Variants in ZNF468 observed in about 807,000 individuals in gnomAD.
ZNF468 encodes the protein zinc finger protein 468, also known as zinc finger protein ZNF468.
ZNF468 carries 8 observed loss-of-function variants against 7.2 expected under a neutral mutation model. That is an observed-to-expected ratio of 1.11 (90% CI 0.65 to 2.01). ZNF468 has a LOEUF of 2.01. Ranked by LOEUF, ZNF468 falls within the 30% of genes most tolerant of loss-of-function variation. The pLI, the probability that ZNF468 is intolerant of heterozygous loss-of-function variation, is 0.00. For missense variants in ZNF468, 608 were observed against 626.5 expected (o/e 0.97, Z 0.31); for synonymous variants, 218 against 214.4 (o/e 1.02, Z -0.15).
chr19:52,849,313 A>C (rs2063365604), intron 2 of ZNF468, 100 bp from the exon 3 acceptor site: 4 of 1,589,980 alleles, frequency 2.5e-6, no homozygotes, highest in Non-Finnish European at 3.4e-6. Context: ...ATTTAACTGT[A>C]GAGAATGTTC....
In ZNF468 at chr19:52,840,016, T is replaced by C; in HGVS notation, c.*709A>G. 7.6e-7 allele frequency: 1 copy of C among 1,316,214 alleles called. No individual in the cohort carries two copies. The highest frequency in any genetic ancestry group is 3.4e-5 in the East Asian group (1 of 29,424). The allele number at this position is 1,316,214 out of a possible 1,614,324, so 81.5% of individuals were successfully genotyped here. A position where few individuals can be genotyped will look rare whatever the true frequency, so the allele number is the denominator to read the frequency against. The stretch of plus-strand genomic sequence containing the variant: ...AAGTGGTGACTGCCCACTAAAGGGT[T>C]TGCCACACTCATTGCACTTGTAAGG... On this transcript the variant is annotated 3_prime_UTR_variant, in exon 4 of 4. Transcript: ENST00000595646.
chr19:52,853,952 C>T (rs1337924731), intron 2 of ZNF468: 6 of 1,416,424 alleles, frequency 4.2e-6, no homozygotes, highest in East Asian at 2.5e-5. Context: ...ACAGTGCATC[C>T]AGATGTGGCC....
rs2063298588 is a variant in ZNF468, at chr19:52,841,420, G to A, written c.874C>T (p.Leu292Phe). ...HNSSLFIHKA[L>F]HTGEKPYECE... ...TCATAAGGTTTCTCTCCAGTATGAAGCGCTTTGTGAATGAAGAGGGATGAA... is the reference window on the plus strand; with the variant it reads ...TCATAAGGTTTCTCTCCAGTATGAAACGCTTTGTGAATGAAGAGGGATGAA... Residue 292 changes from leucine (L) to phenylalanine (F), a missense_variant, in exon 4 of 4, where the codon CTT becomes TTT. Coordinates refer to ENST00000595646, the MANE Select transcript of ZNF468 (RefSeq NM_001008801.2). 3 of 1,613,962 alleles carry A rather than the reference G, an allele frequency of 1.9e-6. No individual in the cohort carries two copies. The highest frequency in any genetic ancestry group is 1.6e-4 in the Middle Eastern group (1 of 6,062).
In ZNF468 at chr19:52,854,303, C is replaced by G; in HGVS notation, c.-31G>C. The G allele has an allele frequency of 6.2e-7, 1 of 1,613,608 alleles. No homozygotes were observed. The highest frequency in any genetic ancestry group is 8.5e-7 in the Non-Finnish European group (1 of 1,179,718). ...ACTCCTTTGCTTTCCTCTTCCTCTT[C>G]TGGGTTTCTTTCTCACGTACCAACA... On this transcript the variant is annotated 5_prime_UTR_variant, in exon 2 of 4. Coordinates refer to ENST00000595646, the MANE Select transcript of ZNF468 (RefSeq NM_001008801.2).
chr19:52,841,186 G>A lies in ZNF468; in HGVS notation c.1108C>T (p.Leu370Phe). ...GTATGAAGTCTATGATGGCGTGCAA[G>A]GGTTGATAGTCGATTAAAAACTTTG... ...CGKVFNRLST[L>F]ARHHRLHTGE... The change falls in exon 4 of 4, where the codon CTT becomes TTT. Residue 370 changes from leucine to phenylalanine, a missense_variant. Coordinates refer to ENST00000595646, the MANE Select transcript of ZNF468 (RefSeq NM_001008801.2). 2 of 1,613,314 alleles carry A rather than the reference G, an allele frequency of 1.2e-6. No homozygotes were observed. Among genetic ancestry groups the A allele is most frequent in the Non-Finnish European group, 1.7e-6 (2 of 1,179,502 alleles).
In ZNF468 at chr19:52,840,138, G is replaced by T; in HGVS notation, c.*587C>A. On this transcript the variant is annotated 3_prime_UTR_variant, in exon 4 of 4. Coordinates refer to ENST00000595646, the MANE Select transcript of ZNF468 (RefSeq NM_001008801.2). ...TACATTTCTATGGCTTTTCTCCAGT[G>T]TGAATTCTCCTATGTATTTGAAGCT... The T allele has an allele frequency of 2.2e-6, 1 of 464,032 alleles. No homozygotes were observed. Among genetic ancestry groups the T allele is most frequent in the Non-Finnish European group, 3.8e-6 (1 of 260,002 alleles). 28.7% of individuals were successfully genotyped at this position (464,032 alleles called of 1,614,324 possible). A position where few individuals can be genotyped will look rare whatever the true frequency, so the allele number is the denominator to read the frequency against.
intron 2 of ZNF468, among the ~76,000 whole-genome samples, chr19:52,850,769 G>C (rs981851710): frequency 2.6e-5 from 4 of 151,758 alleles, no homozygotes; most frequent in Non-Finnish European, 5.9e-5. Flanking sequence ...CGTGGTGGCG[G>C]GCGCCTGTAG....
rs751198207 is a variant in ZNF468 at position 52,841,329 on chromosome 19, G to A, written c.965C>T (p.Thr322Ile). 1 of 1,610,064 alleles carries A rather than the reference G, an allele frequency of 6.2e-7. No homozygotes were observed. The highest frequency in any genetic ancestry group is 8.5e-7 in the Non-Finnish European group (1 of 1,178,960). ...CTTACATTTGTATGGTTTCTCTCCA[G>A]TATGAATCCTCTTATGTCTTTCAAG... ...SHLERHKRIHTGEKPYKCKVC... is the reference protein window; with the variant it reads ...SHLERHKRIHIGEKPYKCKVC... Residue 322 changes from threonine to isoleucine, a missense_variant, in exon 4 of 4, where the codon ACT (threonine) becomes ATT (isoleucine). Thr to Ile is a moderately conservative substitution (Grantham distance 89, BLOSUM62 -1). Coordinates refer to ENST00000595646, the MANE Select transcript of ZNF468 (RefSeq NM_001008801.2).
chr19:52,845,914 A>T (rs548586282), intron 3 of ZNF468, among the ~76,000 whole-genome samples: 26 of 152,102 alleles, frequency 1.7e-4, no homozygotes, highest in Non-Finnish European at 3.5e-4. Flanking sequence ...GAGGCAGGAG[A>T]ATCAGTTGTA....
chr19:52,849,691 G>T (rs2063369409), intron 2 of ZNF468: 1 of 161,484 alleles, frequency 6.2e-6, no homozygotes, highest in African/African-American at 2.6e-5. Context: ...AGTGATCCCA[G>T]ATCGCATCAC....
intron 2 of ZNF468, among the ~76,000 whole-genome samples, chr19:52,851,450 G>A (rs1360551334): frequency 2.0e-5 from 3 of 152,046 alleles, no homozygotes; most frequent in South Asian, 2.1e-4. Context: ...GGTGGCACTC[G>A]CCTGTATTCC....
chr19:52,848,294 C>T (rs1310228633), intron 3 of ZNF468, among the ~76,000 whole-genome samples: 1 of 152,150 alleles, frequency 6.6e-6, no homozygotes, highest in Non-Finnish European at 1.5e-5. Context: ...AAAGAGACTC[C>T]TGCTTATAAA....
At position 52,840,318 on chromosome 19, in the gene ZNF468, T is replaced by G. The variant is rs562508996; in HGVS notation, c.*407A>C. 58 of 424,250 alleles carry G rather than the reference T, an allele frequency of 1.4e-4. 1 individual carries two copies. Among genetic ancestry groups the G allele is most frequent in the African/African-American group, 1.1e-3 (56 of 48,736 alleles). The allele number at this position is 424,250 out of a possible 1,614,324, so 26.3% of individuals were successfully genotyped here. On this transcript the variant is annotated 3_prime_UTR_variant, in exon 4 of 4. Coordinates refer to ENST00000595646, the MANE Select transcript of ZNF468 (RefSeq NM_001008801.2). ...TTTCTCTCCACTATGAATTACAAGG[T>G]GTGAATTTTGACCTTTTAATTACAA...
chr19:52,844,527 T>G (rs1406559388), intron 3 of ZNF468, among the ~76,000 whole-genome samples: 1 of 152,136 alleles, frequency 6.6e-6, no homozygotes, highest in African/African-American at 2.4e-5. Context: ...AGTGGCATGA[T>G]TCTCCTACCT....
chr19:52,854,123 G>A, intron 2 of ZNF468, 135 bp downstream of exon 2: 1 of 1,581,066 alleles, frequency 6.3e-7, no homozygotes, highest in Non-Finnish European at 8.6e-7. Flanking sequence ...CGAGATGAGA[G>A]GGACTGAAGG....
chr19:52,842,814 CAAAAAAAAAAA>C (rs60067060), intron 3 of ZNF468, among the ~76,000 whole-genome samples: 5 of 52,948 alleles, frequency 9.4e-5, no homozygotes, highest in Non-Finnish European at 9.3e-5. Flanking sequence ...GACTCCATCT[CAAAAAAAAAAA>C]AAAAAAAAAA....
rs189060585 is a variant in ZNF468, at chr19:52,841,303, C to A, written c.991G>T (p.Val331Phe). 112 of 1,613,796 alleles carry A rather than the reference C, an allele frequency of 6.9e-5. No homozygotes were observed. The East Asian group carries it at 2.1e-3, about 31-fold the overall frequency. ...HTGEKPYKCK[V>F]CDEAFAYNSY... ...TTATATGCGAAAGCCTCATCACAAA[C>A]CTTACATTTGTATGGTTTCTCTCCA... Residue 331 changes from valine (V) to phenylalanine (F), a missense_variant, in exon 4 of 4, where the codon GTT becomes TTT. Physicochemically the swap from Val to Phe is conservative, Grantham distance 50. Coordinates refer to ENST00000595646, the MANE Select transcript of ZNF468 (RefSeq NM_001008801.2).
intron 1 of ZNF468, among the ~76,000 whole-genome samples, chr19:52,855,788 C>T (rs1184166806): frequency 2.0e-5 from 3 of 152,254 alleles, no homozygotes; most frequent in Non-Finnish European, 2.9e-5. Context: ...CAGACACCGC[C>T]TCTATTTTGC....
chr19:52,844,864 G>C (rs1275980868), intron 3 of ZNF468, among the ~76,000 whole-genome samples: 1 of 152,148 alleles, frequency 6.6e-6, no homozygotes, highest in Non-Finnish European at 1.5e-5. Flanking sequence ...TAGCAGGACA[G>C]TGAAATGACA....
Sources: gnomAD v4.1 joint callset for allele counts (sites outside exome capture counted in the v4.1 genomes callset) on GRCh38, gnomAD v4.1.1 for gene constraint, MANE v1.5 for transcripts, NCBI Gene and HGNC (gene_info 2026-07-23, HGNC 2026-07-21) for gene names.